The following BICD1 variants were observed in gnomAD, a reference collection of about 807,000 sequenced individuals.
The protein encoded by BICD1 is protein bicaudal D homolog 1.
Under a neutral mutation model 92.5 loss-of-function variants are expected in BICD1, and 35 were observed. That is an observed-to-expected ratio of 0.38 (90% confidence interval 0.29 to 0.50). The LOEUF is 0.50. BICD1 is among the 20% of genes least tolerant of loss of function. The pLI is 0.93. For synonymous variants in BICD1, 429 were observed against 465.1 expected (o/e 0.92, Z 1.00); for missense variants, 950 against 1,189.8 (o/e 0.80, Z 2.97).
rs117172975 is a variant in BICD1, at chr12:32,203,383, G to C, written c.214-12864G>C. Among the ~76,000 whole-genome samples, 133 of 152,256 alleles carry C rather than the reference G, an allele frequency of 8.7e-4. 1 individual carries two copies. The highest frequency in any genetic ancestry group is 9.1e-4 in the Non-Finnish European group (62 of 67,998). On this transcript the variant is annotated intron_variant, in intron 1 of 9. Transcript: ENST00000652176. ...ACTTCATCAAAAGACATCGCTAAAA[G>C]AGTGGGAGAGAAAAACCACACACTG... is the stretch of plus-strand genomic sequence containing the variant.
chr12:32,334,990 A>G (rs10844189), intron 6 of BICD1, among the ~76,000 whole-genome samples: 34,576 of 152,010 alleles, frequency 0.23, 4,508 homozygotes, highest in African/African-American at 0.35. Context: ...TTCAATAAGG[A>G]AAAAAACCCC....
At chr12:32,366,449 G>A (rs1179567492) in intron 8 of BICD1, among the ~76,000 whole-genome samples, 1 of 152,268 alleles carries the variant, frequency 6.6e-6, no homozygotes, top group African/African-American at 2.4e-5. Flanking sequence ...GTGAAACCCT[G>A]TCTCTACTAA....
chr12:32,197,873 C>G (rs1944769482), intron 1 of BICD1, among the ~76,000 whole-genome samples: 1 of 151,660 alleles, frequency 6.6e-6, no homozygotes, highest in Non-Finnish European at 1.5e-5. Flanking sequence ...GAGTGACTCT[C>G]CAGCACAAAG....
At chr12:32,241,128 G>T (rs1346887764) in intron 2 of BICD1, among the ~76,000 whole-genome samples, 3 of 152,186 alleles carry the variant, frequency 2.0e-5, no homozygotes, top group East Asian at 1.9e-4. Context: ...CTTTCGATGT[G>T]TACGTGCAGA....
At chr12:32,205,332 T>C (rs76867637) in intron 1 of BICD1, among the ~76,000 whole-genome samples, 2,347 of 152,266 alleles carry the variant, frequency 0.015, 55 homozygotes, top group African/African-American at 0.053. Flanking sequence ...GGAATCTCTA[T>C]GTCTTTGTTT....
rs182986567 is a variant in BICD1 at position 32,115,785 on chromosome 12, T to G, written c.213+8241T>G. Among the ~76,000 whole-genome samples, 78 of 152,320 alleles carry G rather than the reference T, an allele frequency of 5.1e-4. 1 individual carries two copies. The highest frequency in any genetic ancestry group is 1.8e-3 in the African/African-American group (76 of 41,582). Reference sequence around the variant, plus strand: ...GCAGTGATTTTGATTCCTTGTCTTGTTAGCTGCTGATGGAGATACGTGTAT... The same window carrying G: ...GCAGTGATTTTGATTCCTTGTCTTGGTAGCTGCTGATGGAGATACGTGTAT... On this transcript the variant is annotated intron_variant, in intron 1 of 9. Transcript: ENST00000652176.
chr12:32,332,470 T>G, intron 5 of BICD1: 1 of 980,238 alleles, frequency 1.0e-6, no homozygotes, highest in Non-Finnish European at 1.2e-6. Flanking sequence ...TGCCTTCTGA[T>G]GAAGTCAGTA....
In BICD1 at chr12:32,380,456, G is replaced by A. The variant is rs1412276773; in HGVS notation, c.*2829G>A. On this transcript the variant is annotated 3_prime_UTR_variant, in exon 10 of 10. Coordinates refer to ENST00000652176, the MANE Select transcript of BICD1 (RefSeq NM_001714.4). ...TGGCTAATTATTGCAAACAGAGTGAGCAAAGATTAATGCTAACTAGTAAAA... is the reference window on the plus strand; with the variant it reads ...TGGCTAATTATTGCAAACAGAGTGAACAAAGATTAATGCTAACTAGTAAAA... The A allele has an allele frequency of 1.3e-5, 2 of 152,180 alleles. No homozygotes were observed. Among genetic ancestry groups the A allele is most frequent in the Non-Finnish European group, 2.9e-5 (2 of 68,000 alleles). The allele number at this position is 152,180 out of a possible 1,614,324, so 9.4% of individuals were successfully genotyped here.
chr12:32,334,725 T>G, intron 6 of BICD1, 58 bp downstream of exon 6: 4 of 1,550,330 alleles, frequency 2.6e-6, no homozygotes, highest in South Asian at 1.2e-5. Context: ...GCTTTAAAAT[T>G]CACAGCCCTG....
chr12:32,299,214 G>A (rs1163511655), intron 3 of BICD1, among the ~76,000 whole-genome samples: 1 of 152,204 alleles, frequency 6.6e-6, no homozygotes, highest in Admixed American at 6.5e-5. Context: ...GTTGCCATAA[G>A]GAATCCTAAT....
intron 2 of BICD1, among the ~76,000 whole-genome samples, chr12:32,265,351 G>T (rs979932238): frequency 6.6e-6 from 1 of 151,998 alleles, no homozygotes; most frequent in Non-Finnish European, 1.5e-5. Flanking sequence ...CTTGGTTAAA[G>T]GAGAAAAATG....
chr12:32,159,667 G>A (rs55802552), intron 1 of BICD1, among the ~76,000 whole-genome samples: 6,019 of 152,174 alleles, frequency 0.04, 390 homozygotes, highest in African/African-American at 0.14. Flanking sequence ...CCAGAGACCC[G>A]GTATTTGGTG....
chr12:32,184,646 A>G (rs1038646551), intron 1 of BICD1, among the ~76,000 whole-genome samples: 53 of 152,216 alleles, frequency 3.5e-4, no homozygotes, highest in Non-Finnish European at 7.5e-4. Flanking sequence ...ATAACAGCAA[A>G]GGAACTTAAA....
chr12:32,125,234 G>C (rs1399197129), intron 1 of BICD1, among the ~76,000 whole-genome samples: 1 of 152,176 alleles, frequency 6.6e-6, no homozygotes, highest in Admixed American at 6.5e-5. Context: ...GAGAGCCCCT[G>C]ATGCCCTGCA....
chr12:32,352,154 G>T (rs112533724), intron 8 of BICD1, among the ~76,000 whole-genome samples: 2 of 151,718 alleles, frequency 1.3e-5, no homozygotes, highest in Non-Finnish European at 2.9e-5. Context: ...GCAGTGAGCC[G>T]AGATCGTGCC....
intron 1 of BICD1, among the ~76,000 whole-genome samples, chr12:32,198,330 C>CTA (rs749446989): frequency 0.061 from 7,128 of 117,676 alleles, 403 homozygotes; most frequent in South Asian, 0.11. Context: ...ATGCATCTAT[C>CTA]TATATATATA....
chr12:32,118,093 T>TTTATTTTATTTTATTTTA (rs1555126600), intron 1 of BICD1, among the ~76,000 whole-genome samples: 14 of 150,546 alleles, frequency 9.3e-5, no homozygotes, highest in African/African-American at 2.9e-4. Flanking sequence ...TTTTATTTAT[T>TTTATTTTATTTTATTTTA]TTTTTTGAGA....
At chr12:32,224,321 A>G (rs1282589928) in intron 2 of BICD1, among the ~76,000 whole-genome samples, 2 of 152,370 alleles carry the variant, frequency 1.3e-5, no homozygotes, top group East Asian at 1.9e-4. Flanking sequence ...ACTGATTTAC[A>G]TAACTGATAA....
At chr12:32,340,240 G>A in intron 8 of BICD1, 3 of 985,394 alleles carry the variant, frequency 3.0e-6, no homozygotes, top group Non-Finnish European at 3.6e-6. Context: ...CGTTCTAAAG[G>A]TGTTTGAGGA....
Sources: gnomAD v4.1 joint callset for allele counts (sites outside exome capture counted in the v4.1 genomes callset) on GRCh38, gnomAD v4.1.1 for gene constraint, MANE v1.5 for transcripts, NCBI Gene and HGNC (gene_info 2026-07-23, HGNC 2026-07-21) for gene names.